The following RBM43 variants were observed in gnomAD, a reference collection of about 807,000 sequenced individuals.
RBM43 encodes the protein RNA binding motif protein 43.
A neutral mutation model predicts 12.4 loss-of-function variants in RBM43; 12 were observed. The ratio of observed to expected loss-of-function variants is 0.97; its 90% CI spans 0.62 to 1.57. The LOEUF (loss-of-function observed/expected upper bound fraction) is 1.57. Ranked by LOEUF, RBM43 falls within the 40% of genes most tolerant of loss-of-function variation. The pLI is 0.00. For missense variants in RBM43, 348 were observed against 400.1 expected, an observed-to-expected ratio of 0.87 and a Z score of 1.11; for synonymous variants, 138 against 145.7, an observed-to-expected ratio of 0.95 and a Z score of 0.38.
intron 1 of RBM43, chr2:151,261,420 T>C (rs1170849654): frequency 1.3e-6 from 2 of 1,550,586 alleles, no homozygotes; most frequent in East Asian, 4.9e-5. Flanking sequence ...GGGCAGTGGG[T>C]GTGGGAGGTG....
chr2:151,259,002 G>A (rs1399061578), intron 1 of RBM43, among the ~76,000 whole-genome samples: 2 of 151,974 alleles, frequency 1.3e-5, no homozygotes, highest in Non-Finnish European at 2.9e-5. Context: ...AATTAGCTGG[G>A]CGTGGTGGCA....
chr2:151,261,601 C>G (rs1173433453), intron 1 of RBM43, 124 bp downstream of exon 1: 4 of 1,536,524 alleles, frequency 2.6e-6, no homozygotes, highest in Non-Finnish European at 3.5e-6. Flanking sequence ...CCTCCGTGCG[C>G]CGCCCCCTCC....
chr2:151,250,814 G>A lies in RBM43; in HGVS notation c.*92C>T. The A allele has an allele frequency of 1.2e-6, 1 of 852,794 alleles. No homozygotes were observed. 52.8% of individuals were successfully genotyped at this position (852,794 alleles called of 1,614,324 possible). Reference sequence around the variant, plus strand: ...AAGAAGGATGACTATAAGGATTCATGAGATACGGTGTGTAAAGCTAGCCTC... The same window carrying A: ...AAGAAGGATGACTATAAGGATTCATAAGATACGGTGTGTAAAGCTAGCCTC... On this transcript the variant is annotated 3_prime_UTR_variant, in exon 4 of 4. Transcript: ENST00000331426.
chr2:151,254,287 A>ATC (rs71000460), intron 2 of RBM43, among the ~76,000 whole-genome samples: 99,828 of 149,408 alleles, frequency 0.67, 38,838 homozygotes, highest in Non-Finnish European at 0.85. Context: ...ACCGAGGCCA[A>ATC]TCTCTCTCTC....
intron 2 of RBM43, 109 bp downstream of exon 2, chr2:151,255,424 A>AT (rs1682958280): frequency 4.9e-6 from 4 of 809,326 alleles, no homozygotes; most frequent in Non-Finnish European, 7.7e-6. Context: ...TCTCAAAAAA[A>AT]AAACTACTTT....
rs1230163224 is a variant in RBM43 at position 151,248,459 on chromosome 2, A to C, written c.*2447T>G. ...AGAAGGATAAAGAGGGGATACTGTAAGAAGGGGAGGGGAAAGGTCTAGAAA... is the reference window on the plus strand; with the variant it reads ...AGAAGGATAAAGAGGGGATACTGTACGAAGGGGAGGGGAAAGGTCTAGAAA... On this transcript the variant is annotated 3_prime_UTR_variant, in exon 4 of 4. Transcript: ENST00000331426. 6.6e-6 allele frequency: 1 copy of C among 152,202 alleles called. No individual in the cohort carries two copies. The highest frequency in any genetic ancestry group is 1.5e-5 in the Non-Finnish European group (1 of 68,028). The allele number at this position is 152,202 out of a possible 1,614,324, so 9.4% of individuals were successfully genotyped here.
At chr2:151,253,260 C>T (rs112049877) in intron 2 of RBM43, among the ~76,000 whole-genome samples, 1,851 of 152,272 alleles carry the variant, frequency 0.012, 41 homozygotes, top group African/African-American at 0.041. Context: ...TAGATGTTGG[C>T]GAGACCTGGA....
At position 151,251,471 on chromosome 2, in the gene RBM43, G is replaced by A. The variant is rs1348099015; in HGVS notation, c.509C>T (p.Ala170Val). 1 of 1,614,014 alleles carries A rather than the reference G, an allele frequency of 6.2e-7. No homozygotes were observed. Among genetic ancestry groups the A allele is most frequent in the Non-Finnish European group, 8.5e-7 (1 of 1,179,898 alleles). ...KRLRESLLAR[A>V]CSLLEKDRNF... Reference sequence around the variant, plus strand: ...TCTGTCTTTTTCTAAGAGAGAACATGCTCTTGCTAGCAAAGATTCTCTGAG... The same window carrying A: ...TCTGTCTTTTTCTAAGAGAGAACATACTCTTGCTAGCAAAGATTCTCTGAG... The change falls in exon 4 of 4, where the codon GCA becomes GTA. Residue 170 changes from alanine to valine, a missense_variant. Physicochemically the swap from Ala to Val is moderately conservative, Grantham distance 64. Coordinates refer to ENST00000331426, the MANE Select transcript of RBM43 (RefSeq NM_198557.3).
chr2:151,256,602 T>C (rs2105192103), intron 1 of RBM43, among the ~76,000 whole-genome samples: 1 of 152,246 alleles, frequency 6.6e-6, no homozygotes, highest in Middle Eastern at 3.4e-3. Flanking sequence ...GCAGATCACC[T>C]GACATCAGGA....
At chr2:151,253,905 G>A (rs971666028) in intron 2 of RBM43, among the ~76,000 whole-genome samples, 3 of 151,942 alleles carry the variant, frequency 2.0e-5, no homozygotes, top group African/African-American at 2.4e-5. Context: ...GGCCTAGAAT[G>A]TTCTCCCCAC....
chr2:151,251,218 A>T lies in RBM43; in HGVS notation c.762T>A (p.Gly254=). Residue 254 remains glycine, a synonymous_variant, in exon 4 of 4, where the codon GGT becomes GGA. Coordinates refer to ENST00000331426, the MANE Select transcript of RBM43 (RefSeq NM_198557.3). ...TTTTTAGACAAATTGTGGTGATTTC[A>T]CCATCCACTTTCTCCTGACTCAGAA... The part of the protein sequence containing the change: ...FHILSQEKVD[G]EITTICLKSI... 1.1e-5 allele frequency: 18 copies of T among 1,613,778 alleles called. No individual in the cohort carries two copies. The highest frequency in any genetic ancestry group is 1.5e-5 in the Non-Finnish European group (18 of 1,179,990).
rs931525920 is a variant in RBM43, at chr2:151,257,796, G to A, written c.4-2053C>T. Among the ~76,000 whole-genome samples the A allele has an allele frequency of 6.6e-5, 10 of 151,054 alleles. No homozygotes were observed. The South Asian group carries it at 1.5e-3, about 22-fold the overall frequency. Reference sequence around the variant, plus strand: ...TGAAAACACATGGAAGTGGCCGGGCGTGGTGGCTCACGCCTGTAATCCCAG... The same window carrying A: ...TGAAAACACATGGAAGTGGCCGGGCATGGTGGCTCACGCCTGTAATCCCAG... On this transcript the variant is annotated intron_variant, in intron 1 of 3. Transcript: ENST00000331426.
chr2:151,259,384 G>A (rs1000324954), intron 1 of RBM43, among the ~76,000 whole-genome samples: 4 of 152,028 alleles, frequency 2.6e-5, no homozygotes, highest in Admixed American at 2.0e-4. Context: ...AGTAGTTCAC[G>A]GCTGTAATCC....
Position 151,249,783 on chromosome 2 carries a change from G to A in RBM43, c.*1123C>T, listed in dbSNP as rs569334881. 1 of 152,320 alleles carries A rather than the reference G, an allele frequency of 6.6e-6. No homozygotes were observed. The highest frequency in any genetic ancestry group is 1.9e-4 in the East Asian group (1 of 5,186). The allele number at this position is 152,320 out of a possible 1,614,324, so 9.4% of individuals were successfully genotyped here. A position where few individuals can be genotyped will look rare whatever the true frequency, so the allele number is the denominator to read the frequency against. On this transcript the variant is annotated 3_prime_UTR_variant, in exon 4 of 4. Transcript: ENST00000331426. Reference sequence around the variant, plus strand: ...ATGGCCATAGGTAAAATTAGTCCTAGAGTTACAGCAAGTTATCTCAGCAGC... The same window carrying A: ...ATGGCCATAGGTAAAATTAGTCCTAAAGTTACAGCAAGTTATCTCAGCAGC...
At chr2:151,261,697 C>A (rs776591268) in intron 1 of RBM43, 28 bp downstream of exon 1, 9 of 1,594,866 alleles carry the variant, frequency 5.6e-6, no homozygotes, top group Non-Finnish European at 7.7e-6. Context: ...GGACCTGCAC[C>A]GCAAAACCCA....
rs1261886798 is a variant in RBM43 at position 151,249,718 on chromosome 2, G to A, written c.*1188C>T. The A allele has an allele frequency of 6.6e-6, 1 of 152,134 alleles. No homozygotes were observed. The highest frequency in any genetic ancestry group is 1.5e-5 in the Non-Finnish European group (1 of 68,054). 9.4% of individuals were successfully genotyped at this position (152,134 alleles called of 1,614,324 possible). On this transcript the variant is annotated 3_prime_UTR_variant, in exon 4 of 4. Coordinates refer to ENST00000331426, the MANE Select transcript of RBM43 (RefSeq NM_198557.3). The stretch of plus-strand genomic sequence containing the variant: ...CTTAAGAGAAAGTTCATTGGTATTA[G>A]TAAAGCCCTGGGGAGCTGGCAAGCT...
At position 151,250,985 on chromosome 2, in the gene RBM43, A is replaced by T; in HGVS notation, c.995T>A (p.Ile332Asn). The change falls in exon 4 of 4, where the codon ATT becomes AAT. Residue 332 changes from isoleucine (I) to asparagine (N), a missense_variant. Physicochemically the swap from Ile to Asn is moderately radical, Grantham distance 149. Transcript: ENST00000331426. ...EVLINLYRTH[I>N]DIIGSSSDTY... ...GTCAGAAGAAGATCCTATAATGTCA[A>T]TGTGTGTCCTATAAAGGTTAATCAG... The T allele has an allele frequency of 1.2e-6, 2 of 1,612,862 alleles. No individual in the cohort carries two copies. The highest frequency in any genetic ancestry group is 1.7e-6 in the Non-Finnish European group (2 of 1,178,970).
chr2:151,261,590 C>A lies in RBM43; in HGVS notation c.3+135G>T, dbSNP rs774803076. On this transcript the variant is annotated intron_variant, in intron 1 of 3. Transcript: ENST00000331426. ...CCGGGGCCCCCGGGGTCCCTGGGGC[C>A]CCTCCGTGCGCCGCCCCCTCCCGCG... 9.4e-5 allele frequency: 145 copies of A among 1,537,046 alleles called. No individual in the cohort carries two copies. The Middle Eastern group carries it at 2.7e-3, about 29-fold the overall frequency.
At chr2:151,254,631 C>T (rs1476278856) in intron 2 of RBM43, among the ~76,000 whole-genome samples, 2 of 152,080 alleles carry the variant, frequency 1.3e-5, no homozygotes, top group African/African-American at 2.4e-5. Flanking sequence ...GTATTTTCTG[C>T]CAGCCACTAA....
Sources: allele counts gnomAD v4.1 joint callset (sites outside exome capture counted in the v4.1 genomes callset), GRCh38; gene constraint gnomAD v4.1.1; transcripts MANE v1.5; gene names NCBI Gene and HGNC (gene_info 2026-07-23, HGNC 2026-07-21).